The following CTNNA3 variants were observed in gnomAD, a reference collection of about 807,000 sequenced individuals.
CTNNA3 encodes catenin alpha-3.
A neutral mutation model predicts 95.7 loss-of-function variants in CTNNA3; 76 were observed. That is an observed-to-expected ratio of 0.79 (90% confidence interval 0.66 to 0.96). The LOEUF (loss-of-function observed/expected upper bound fraction) is 0.96, where lower values mean the gene tolerates loss of function less well. Among genes scored for constraint, CTNNA3 ranks in the 40% least tolerant of loss-of-function variants. CTNNA3 has a pLI of 0.00. For missense variants in CTNNA3, 1,191 were observed against 1,089.8 expected, an observed-to-expected ratio of 1.09 and a Z score of -1.31; for synonymous variants, 431 against 374.4, an observed-to-expected ratio of 1.15 and a Z score of -1.74.
At chr10:67,727,309 T>C (rs1422481955) in intron 1 of CTNNA3, among the ~76,000 whole-genome samples, 1 of 133,170 alleles carries the variant, frequency 7.5e-6, no homozygotes. Context: ...ATATATTATA[T>C]ATGATATATT....
At chr10:66,711,258 C>CAAAAAAAAAAAAAAA (rs56013857) in intron 9 of CTNNA3, among the ~76,000 whole-genome samples, 4 of 118,148 alleles carry the variant, frequency 3.4e-5, no homozygotes, top group Non-Finnish European at 3.4e-5. Context: ...GAACAAGAAA[C>CAAAAAAAAAAAAAAA]AAAAAAAAAA....
At chr10:66,106,292 T>C (rs764052595) in intron 13 of CTNNA3, among the ~76,000 whole-genome samples, 2 of 151,838 alleles carry the variant, frequency 1.3e-5, no homozygotes, top group Non-Finnish European at 2.9e-5. Flanking sequence ...ATTGTCTGCT[T>C]CTACCTATCT....
At chr10:67,296,331 A>G (rs1840029075) in intron 5 of CTNNA3, among the ~76,000 whole-genome samples, 1 of 152,176 alleles carries the variant, frequency 6.6e-6, no homozygotes, top group Admixed American at 6.5e-5. Context: ...ATCATTCTAC[A>G]AAGCTAGCTG....
chr10:66,228,044 G>A (rs2089406366), intron 13 of CTNNA3, among the ~76,000 whole-genome samples: 1 of 151,846 alleles, frequency 6.6e-6, no homozygotes, highest in Non-Finnish European at 1.5e-5. Flanking sequence ...TGATTTATGT[G>A]GGTCATCTCT....
rs1182050948 is a variant in CTNNA3, at chr10:65,939,991, C to T, written c.2401-19374G>A. The stretch of plus-strand genomic sequence containing the variant: ...AAATGGAATTGAGCAATGGATTTCT[C>T]TTAATCAAATCAATGTATTTGAGCA... On this transcript the variant is annotated intron_variant, in intron 17 of 17. Transcript: ENST00000433211. Among the ~76,000 whole-genome samples, 3 of 152,242 alleles carry T rather than the reference C, an allele frequency of 2.0e-5. No individual in the cohort carries two copies. The East Asian group carries it at 5.8e-4, about 29-fold the overall frequency.
chr10:67,300,746 A>G (rs1457406194), intron 5 of CTNNA3, among the ~76,000 whole-genome samples: 1 of 151,872 alleles, frequency 6.6e-6, no homozygotes, highest in Non-Finnish European at 1.5e-5. Flanking sequence ...ATTAGCATTC[A>G]CTCCCCATGT....
intron 15 of CTNNA3, among the ~76,000 whole-genome samples, chr10:66,058,354 T>G (rs1042062959): frequency 7.9e-5 from 12 of 152,150 alleles, no homozygotes; most frequent in Non-Finnish European, 1.8e-4. Flanking sequence ...GCTTTGTAAA[T>G]GCAAGCTTGT....
intron 13 of CTNNA3, among the ~76,000 whole-genome samples, chr10:66,204,131 T>C: frequency 6.6e-6 from 1 of 152,174 alleles, no homozygotes; most frequent in South Asian, 2.1e-4. Flanking sequence ...TCACAGAGAG[T>C]AGATTCTTCT....
Position 66,427,623 on chromosome 10 carries a change from G to C in CTNNA3, c.1532-48271C>G, listed in dbSNP as rs116249266. On this transcript the variant is annotated intron_variant, in intron 11 of 17. Transcript: ENST00000433211. ...TCATATTTTTGCTCTTGTAAACAGA[G>C]GTGGAACAACAATAAGCCATTTCAG... is the stretch of plus-strand genomic sequence containing the variant. Among the ~76,000 whole-genome samples, 412 of 152,122 alleles carry C rather than the reference G, an allele frequency of 2.7e-3. 2 individuals are homozygous for C. Among genetic ancestry groups the C allele is most frequent in the African/African-American group, 9.5e-3 (396 of 41,542 alleles).
intron 5 of CTNNA3, among the ~76,000 whole-genome samples, chr10:67,492,379 T>G (rs1838876696): frequency 6.6e-6 from 1 of 152,120 alleles, no homozygotes; most frequent in Non-Finnish European, 1.5e-5. Flanking sequence ...TACTGAGAAG[T>G]GAAAAGTCAA....
At chr10:65,984,327 A>T (rs2078381847) in intron 16 of CTNNA3, among the ~76,000 whole-genome samples, 1 of 151,346 alleles carries the variant, frequency 6.6e-6, no homozygotes, top group Admixed American at 6.6e-5. Flanking sequence ...ATAATGTCAG[A>T]AGCACATTCA....
chr10:66,622,843 T>G (rs996044513), intron 9 of CTNNA3, among the ~76,000 whole-genome samples: 2 of 152,180 alleles, frequency 1.3e-5, no homozygotes, highest in African/African-American at 2.4e-5. Context: ...TACCACAAAA[T>G]GTTATTTAAA....
chr10:67,374,706 C>G (rs1396727300), intron 5 of CTNNA3, among the ~76,000 whole-genome samples: 1 of 152,000 alleles, frequency 6.6e-6, no homozygotes, highest in Admixed American at 6.6e-5. Flanking sequence ...GACTTTTGAA[C>G]AGGGACTTGA....
intron 13 of CTNNA3, among the ~76,000 whole-genome samples, chr10:66,180,327 T>C (rs951790128): frequency 6.6e-6 from 1 of 152,054 alleles, no homozygotes; most frequent in Non-Finnish European, 1.5e-5. Flanking sequence ...ATACAAAAGA[T>C]GAAATGGTAG....
intron 7 of CTNNA3, among the ~76,000 whole-genome samples, chr10:66,998,233 C>CT (rs1851467587): frequency 6.6e-6 from 1 of 152,172 alleles, no homozygotes; most frequent in South Asian, 2.1e-4. Context: ...TGCTACAATT[C>CT]TTTTTCTATA....
chr10:66,664,287 GT>G (rs538893038), intron 9 of CTNNA3, among the ~76,000 whole-genome samples: 51 of 152,106 alleles, frequency 3.4e-4, no homozygotes, highest in African/African-American at 1.2e-3. Flanking sequence ...ATCTCAAATA[GT>G]TTTTTTAAAA....
chr10:67,244,314 A>G (rs1327119447), intron 5 of CTNNA3, among the ~76,000 whole-genome samples: 3 of 152,158 alleles, frequency 2.0e-5, no homozygotes, highest in African/African-American at 7.2e-5. Flanking sequence ...AAATATACCT[A>G]ATTTCTAACA....
intron 17 of CTNNA3, among the ~76,000 whole-genome samples, chr10:65,922,603 C>A (rs139736551): frequency 6.6e-6 from 1 of 152,110 alleles, no homozygotes; most frequent in Non-Finnish European, 1.5e-5. Context: ...ATCTTTAAAT[C>A]TTTTAAATGT....
intron 10 of CTNNA3, among the ~76,000 whole-genome samples, chr10:66,532,467 G>GAA (rs56400755): frequency 7.4e-5 from 10 of 136,048 alleles, no homozygotes; most frequent in African/African-American, 2.2e-4. Flanking sequence ...GTCTCAAAAA[G>GAA]AAAAAAAAAA....
Sources: allele counts gnomAD v4.1 joint callset (sites outside exome capture counted in the v4.1 genomes callset), GRCh38; gene constraint gnomAD v4.1.1; transcripts MANE v1.5; gene names NCBI Gene and HGNC (gene_info 2026-07-23, HGNC 2026-07-21).